ZDHHC21: variants seen among roughly 807,000 people sequenced by gnomAD.
The protein encoded by ZDHHC21 is zDHHC palmitoyltransferase 21.
Under a neutral mutation model 34.6 loss-of-function variants are expected in ZDHHC21, and 15 were observed. The ratio of observed to expected loss-of-function variants is 0.43; its 90% CI spans 0.29 to 0.67. The LOEUF is 0.67. Ranked by LOEUF, ZDHHC21 falls within the 30% of genes least tolerant of loss-of-function variation. The pLI is 0.14. For synonymous variants in ZDHHC21, 142 were observed against 101.8 expected (o/e 1.40, Z -2.38); for missense variants, 344 against 327.7 (o/e 1.05, Z -0.38).
intron 8 of ZDHHC21, among the ~76,000 whole-genome samples, chr9:14,626,938 C>G (rs1826345694): frequency 6.6e-6 from 1 of 151,860 alleles, no homozygotes; most frequent in Admixed American, 6.6e-5. Flanking sequence ...AGCAAAAATT[C>G]AGAGGAAGAC....
chr9:14,676,472 C>T (rs1377670826), intron 3 of ZDHHC21, among the ~76,000 whole-genome samples: 6 of 151,762 alleles, frequency 4.0e-5, no homozygotes, highest in Non-Finnish European at 8.8e-5. Context: ...AGTTTCTCAT[C>T]CCTAGTTCCT....
chr9:14,645,640 C>T (rs149656864), intron 7 of ZDHHC21, among the ~76,000 whole-genome samples: 3 of 151,990 alleles, frequency 2.0e-5, no homozygotes, highest in African/African-American at 7.2e-5. Context: ...CAAAAAATGC[C>T]ATTAAGAGAG....
downstream of ZDHHC21, chr9:14,611,000 T>C (rs957719010): frequency 1.5e-4 from 23 of 151,974 alleles, no homozygotes; most frequent in African/African-American, 5.6e-4. Context: ...ACCTATTACA[T>C]TGGTAGTGCT....
chr9:14,645,919 G>C (rs1225185604), intron 7 of ZDHHC21, among the ~76,000 whole-genome samples: 1 of 152,066 alleles, frequency 6.6e-6, no homozygotes, highest in African/African-American at 2.4e-5. Flanking sequence ...GTATTAGTAA[G>C]GATATGAGGC....
the ZDHHC21 span, among the ~76,000 whole-genome samples, chr9:14,593,154 CACAA>C: frequency 2.4e-4 from 37 of 151,914 alleles, no homozygotes; most frequent in African/African-American, 7.7e-4. Context: ...GAAATCATAG[CACAA>C]ACAAAGGAAA....
Position 14,618,426 on chromosome 9 carries a change from C to G in ZDHHC21, c.*540G>C, listed in dbSNP as rs1824665033. The G allele has an allele frequency of 6.6e-6, 1 of 152,532 alleles. No homozygotes were observed. The highest frequency in any genetic ancestry group is 2.4e-5 in the African/African-American group (1 of 41,436). The allele number at this position is 152,532 out of a possible 1,614,324, so 9.4% of individuals were successfully genotyped here. On this transcript the variant is annotated 3_prime_UTR_variant, in exon 10 of 10. Coordinates refer to ENST00000380916, the MANE Select transcript of ZDHHC21 (RefSeq NM_178566.6). ...AGAAACCAATGCCCGTTTTGTGTTG[C>G]TGTTGTTCACTCCTATGCTGCTGCA... is the stretch of plus-strand genomic sequence containing the variant.
At chr9:14,660,434 C>CAT (rs149809609) in intron 6 of ZDHHC21, among the ~76,000 whole-genome samples, 1 of 145,694 alleles carries the variant, frequency 6.9e-6, no homozygotes, top group South Asian at 2.1e-4. Context: ...CTTGAGGCAA[C>CAT]GTGAGAATTG....
chr9:14,619,883 C>A (rs1351096910), intron 8 of ZDHHC21, among the ~76,000 whole-genome samples: 2 of 150,224 alleles, frequency 1.3e-5, no homozygotes, highest in South Asian at 2.1e-4. Context: ...TTATACTATG[C>A]AAAAAAAAAC....
chr9:14,657,142 C>G (rs1278081916), intron 7 of ZDHHC21, among the ~76,000 whole-genome samples: 1 of 151,930 alleles, frequency 6.6e-6, no homozygotes, highest in Non-Finnish European at 1.5e-5. Context: ...CGTCTTAATA[C>G]TTCATTTGAT....
chr9:14,617,935 A>G lies in ZDHHC21; in HGVS notation c.*1031T>C, dbSNP rs1200218663. On this transcript the variant is annotated 3_prime_UTR_variant, in exon 10 of 10. Coordinates refer to ENST00000380916, the MANE Select transcript of ZDHHC21 (RefSeq NM_178566.6). ...GTAGCTTCCTATAAATAAAATTTCT[A>G]TATGAGTTGGCCAATATATATAAAC... 4 of 152,078 alleles carry G rather than the reference A, an allele frequency of 2.6e-5. No homozygotes were observed. Among genetic ancestry groups the G allele is most frequent in the Non-Finnish European group, 4.4e-5 (3 of 67,940 alleles). 9.4% of individuals were successfully genotyped at this position (152,078 alleles called of 1,614,324 possible).
chr9:14,608,215 G>C (rs766491851), downstream of ZDHHC21, among the ~76,000 whole-genome samples: 26 of 152,102 alleles, frequency 1.7e-4, no homozygotes, highest in Admixed American at 3.3e-4. Flanking sequence ...ACTTCAGCTA[G>C]GATTACGCAT....
chr9:14,675,865 T>A (rs1836281654), intron 3 of ZDHHC21, among the ~76,000 whole-genome samples: 1 of 152,054 alleles, frequency 6.6e-6, no homozygotes, highest in Middle Eastern at 3.4e-3. Flanking sequence ...AAAAGTTATC[T>A]AAGCAATGAA....
intron 7 of ZDHHC21, among the ~76,000 whole-genome samples, chr9:14,657,533 A>C (rs1832466153): frequency 6.6e-6 from 1 of 152,164 alleles, no homozygotes; most frequent in Admixed American, 6.5e-5. Flanking sequence ...CCAGACAGTT[A>C]ATATTTTAGG....
intron 7 of ZDHHC21, among the ~76,000 whole-genome samples, chr9:14,653,966 C>G (rs769756515): frequency 6.6e-6 from 1 of 151,894 alleles, no homozygotes; most frequent in African/African-American, 2.4e-5. Context: ...ACTTAAGAGG[C>G]CAAAATCTCA....
At chr9:14,679,555 A>G (rs562920140) in intron 3 of ZDHHC21, among the ~76,000 whole-genome samples, 1 of 152,312 alleles carries the variant, frequency 6.6e-6, no homozygotes, top group South Asian at 2.1e-4. Context: ...AGAAAGGAGT[A>G]GTGAAAAGGA....
At chr9:14,634,573 C>T (rs965010527) in intron 8 of ZDHHC21, among the ~76,000 whole-genome samples, 6 of 152,172 alleles carry the variant, frequency 3.9e-5, no homozygotes, top group Non-Finnish European at 7.3e-5. Flanking sequence ...CTGATGAAAT[C>T]ACAGATACCA....
chr9:14,624,068 A>G (rs1039331797), intron 8 of ZDHHC21, among the ~76,000 whole-genome samples: 1 of 152,114 alleles, frequency 6.6e-6, no homozygotes, highest in Non-Finnish European at 1.5e-5. Flanking sequence ...TCAATCAACC[A>G]TGGATCGAAA....
chr9:14,674,570 C>G (rs889113825), intron 3 of ZDHHC21, among the ~76,000 whole-genome samples, 185 bp from the exon 4 acceptor site: 1 of 151,832 alleles, frequency 6.6e-6, no homozygotes, highest in Non-Finnish European at 1.5e-5. Context: ...CTTGGGAAAA[C>G]AAACAGAAGT....
At chr9:14,642,563 C>G (rs1334187121) in intron 7 of ZDHHC21, among the ~76,000 whole-genome samples, 2 of 152,132 alleles carry the variant, frequency 1.3e-5, no homozygotes, top group East Asian at 3.9e-4. Context: ...AAATGAGGCC[C>G]TTAGGGTGGG....
Sources: allele counts gnomAD v4.1 joint callset (sites outside exome capture counted in the v4.1 genomes callset), GRCh38; gene constraint gnomAD v4.1.1; transcripts MANE v1.5; gene names NCBI Gene and HGNC (gene_info 2026-07-23, HGNC 2026-07-21).